Variants in ADK observed in about 807,000 individuals in gnomAD.
ADK encodes the protein N6,N6-dimethyladenosine kinase.
In ADK, 24 loss-of-function variants were observed where a neutral mutation model predicts 44.7. That is an observed-to-expected ratio of 0.54 (90% CI 0.39 to 0.76). ADK has a LOEUF of 0.76. Among genes scored for constraint, ADK ranks in the 30% least tolerant of loss-of-function variants. The pLI is 0.00. For synonymous variants in ADK, 128 were observed against 142.6 expected (o/e 0.90, Z 0.73); for missense variants, 321 against 425.1 (o/e 0.76, Z 2.15).
At chr10:74,251,413 T>G (rs985520438) in intron 3 of ADK, among the ~76,000 whole-genome samples, 2 of 152,202 alleles carry the variant, frequency 1.3e-5, no homozygotes, top group African/African-American at 4.8e-5. Context: ...AACCTGTGTT[T>G]TAGTTATCAC....
chr10:74,404,886 G>A (rs1279575829), intron 6 of ADK, among the ~76,000 whole-genome samples: 1 of 152,086 alleles, frequency 6.6e-6, no homozygotes, highest in African/African-American at 2.4e-5. Flanking sequence ...GGGCCTTAGT[G>A]TATTCTTCTT....
At chr10:74,580,191 C>T (rs751177899) in intron 7 of ADK, among the ~76,000 whole-genome samples, 2 of 152,120 alleles carry the variant, frequency 1.3e-5, no homozygotes, top group Non-Finnish European at 2.9e-5. Flanking sequence ...TTGTGGGACC[C>T]AGTGGGAGGT....
At chr10:74,354,796 G>A (rs1842079733) in intron 4 of ADK, among the ~76,000 whole-genome samples, 1 of 152,132 alleles carries the variant, frequency 6.6e-6, no homozygotes, top group Non-Finnish European at 1.5e-5. Context: ...CCACTTTAAT[G>A]TATTATCTAT....
chr10:74,361,435 C>T (rs1842333383), intron 4 of ADK, among the ~76,000 whole-genome samples: 1 of 152,126 alleles, frequency 6.6e-6, no homozygotes, highest in Non-Finnish European at 1.5e-5. Context: ...TATAAATAAA[C>T]ATCCTGTAGT....
intron 9 of ADK, among the ~76,000 whole-genome samples, chr10:74,603,979 T>C (rs1325464004): frequency 2.6e-5 from 4 of 152,250 alleles, no homozygotes; most frequent in Non-Finnish European, 4.4e-5. Context: ...GTGGTTTTGA[T>C]TTGCATTTCT....
intron 6 of ADK, among the ~76,000 whole-genome samples, chr10:74,514,722 T>C (rs1429572599): frequency 6.6e-6 from 1 of 152,232 alleles, no homozygotes; most frequent in Non-Finnish European, 1.5e-5. Context: ...TTAAGATTAT[T>C]ATTTTGATTT....
chr10:74,303,477 CCCA>C (rs1264943507), intron 3 of ADK, among the ~76,000 whole-genome samples: 16 of 151,402 alleles, frequency 1.1e-4, no homozygotes, highest in African/African-American at 3.6e-4. Flanking sequence ...TAAGATATTC[CCCA>C]GATGTTTTAA....
chr10:74,373,123 GA>G (rs1212324517), intron 4 of ADK, among the ~76,000 whole-genome samples: 191 of 141,514 alleles, frequency 1.3e-3, no homozygotes, highest in Admixed American at 2.7e-3. Flanking sequence ...ATCCATATGG[GA>G]AAAAAAAAAA....
At chr10:74,308,151 A>T (rs997239920) in intron 3 of ADK, among the ~76,000 whole-genome samples, 5 of 152,196 alleles carry the variant, frequency 3.3e-5, no homozygotes, top group African/African-American at 1.2e-4. Flanking sequence ...TTTCAGCAGT[A>T]TATTTGATTA....
At chr10:74,554,783 T>TA (rs530734494) in intron 7 of ADK, among the ~76,000 whole-genome samples, 1,469 of 137,876 alleles carry the variant, frequency 0.011, 25 homozygotes, top group Non-Finnish European at 7.6e-3. Flanking sequence ...TGTCTCTATT[T>TA]AAAAAAAAAA....
intron 6 of ADK, among the ~76,000 whole-genome samples, chr10:74,399,989 T>G (rs1487167954): frequency 6.6e-6 from 1 of 152,130 alleles, no homozygotes; most frequent in Non-Finnish European, 1.5e-5. Context: ...TGAATGGAAC[T>G]TTTATGAAAG....
intron 4 of ADK, among the ~76,000 whole-genome samples, chr10:74,355,646 TA>T (rs1327868419): frequency 1.3e-5 from 2 of 152,240 alleles, no homozygotes; most frequent in African/African-American, 4.8e-5. Flanking sequence ...GGAAAAATTT[TA>T]AAAGTGTCTA....
At chr10:74,660,384 A>G (rs982478819) in intron 9 of ADK, among the ~76,000 whole-genome samples, 3 of 152,176 alleles carry the variant, frequency 2.0e-5, no homozygotes, top group Non-Finnish European at 2.9e-5. Context: ...TGCCCATCTC[A>G]GCCTCCCAAA....
chr10:74,347,975 G>C (rs897781669), intron 4 of ADK, among the ~76,000 whole-genome samples: 4 of 152,204 alleles, frequency 2.6e-5, no homozygotes, highest in African/African-American at 9.6e-5. Flanking sequence ...GGGAAGGGGC[G>C]GCTGTGGGCG....
At position 74,573,738 on chromosome 10, in the gene ADK, T is replaced by G. The variant is rs192412703; in HGVS notation, c.727-15544T>G. Among the ~76,000 whole-genome samples, 8 of 152,276 alleles carry G rather than the reference T, an allele frequency of 5.3e-5. No individual in the cohort carries two copies. The East Asian group carries it at 1.5e-3, about 29-fold the overall frequency. On this transcript the variant is annotated intron_variant, in intron 7 of 10. Transcript: ENST00000539909. Reference sequence around the variant, plus strand: ...GGCGCCCCTCCCCCAGCCTCGCTGCTGCCTTGCAGTTTGATCTCAGACTGC... The same window carrying G: ...GGCGCCCCTCCCCCAGCCTCGCTGCGGCCTTGCAGTTTGATCTCAGACTGC...
chr10:74,391,652 T>TATACACACAC (rs1491270919), intron 4 of ADK, among the ~76,000 whole-genome samples: 4 of 74,250 alleles, frequency 5.4e-5, no homozygotes, highest in Non-Finnish European at 7.6e-5. Flanking sequence ...GGCAAGAATA[T>TATACACACAC]ACACACACAC....
At chr10:74,161,385 G>A (rs1313889658) in intron 1 of ADK, among the ~76,000 whole-genome samples, 1 of 151,954 alleles carries the variant, frequency 6.6e-6, no homozygotes, top group Non-Finnish European at 1.5e-5. Context: ...GTATGTGTGT[G>A]TTTTTAGTAC....
intron 6 of ADK, among the ~76,000 whole-genome samples, chr10:74,403,870 G>A (rs1843807065): frequency 6.6e-6 from 1 of 151,728 alleles, no homozygotes; most frequent in African/African-American, 2.4e-5. Flanking sequence ...TCCTTTTTTT[G>A]TTTTGTTTTG....
intron 1 of ADK, among the ~76,000 whole-genome samples, chr10:74,166,781 GA>G (rs1181445073): frequency 6.6e-6 from 1 of 151,834 alleles, no homozygotes; most frequent in Non-Finnish European, 1.5e-5. Flanking sequence ...TGACTTCCAT[GA>G]AGCTTTTTAA....
Sources: gnomAD v4.1 joint callset for allele counts (sites outside exome capture counted in the v4.1 genomes callset) on GRCh38, gnomAD v4.1.1 for gene constraint, MANE v1.5 for transcripts, NCBI Gene and HGNC (gene_info 2026-07-23, HGNC 2026-07-21) for gene names.